Variants in SORCS2 observed in about 807,000 individuals in gnomAD.
SORCS2 encodes the protein VPS10 domain-containing receptor SorCS2.
SORCS2 carries 100 observed loss-of-function variants against 141.6 expected under a neutral mutation model. The ratio of observed to expected loss-of-function variants is 0.71; its 90% CI spans 0.60 to 0.83. SORCS2 has a LOEUF of 0.83. Ranked by LOEUF, SORCS2 falls within the 40% of genes least tolerant of loss-of-function variation. The pLI is 0.00. For missense variants in SORCS2, 1,646 were observed against 1,560.2 expected (o/e 1.05, Z -0.93); for synonymous variants, 789 against 676.9 (o/e 1.17, Z -2.57).
intron 23 of SORCS2, 134 bp downstream of exon 23, chr4:7,729,846 G>C: frequency 1.5e-6 from 2 of 1,334,048 alleles, no homozygotes; most frequent in Non-Finnish European, 2.0e-6. Flanking sequence ...GTCTGACTCA[G>C]GGTGGCTTGA....
intron 2 of SORCS2, among the ~76,000 whole-genome samples, chr4:7,490,337 C>A (rs1043780628): frequency 6.6e-5 from 10 of 152,108 alleles, no homozygotes; most frequent in Non-Finnish European, 4.4e-5. Flanking sequence ...CTCTGCCAGG[C>A]CTGGTCCAGT....
intron 2 of SORCS2, among the ~76,000 whole-genome samples, chr4:7,422,346 C>T (rs974909610): frequency 2.0e-5 from 3 of 152,212 alleles, no homozygotes; most frequent in African/African-American, 4.8e-5. Flanking sequence ...CCTGCAGCCT[C>T]CTCTAGGTCC....
At chr4:7,433,494 C>T (rs766198360) in intron 2 of SORCS2, 4 of 1,595,050 alleles carry the variant, frequency 2.5e-6, no homozygotes, top group Non-Finnish European at 3.4e-6. Flanking sequence ...CCTTCTTGCA[C>T]ACAGCCACGG....
intron 1 of SORCS2, among the ~76,000 whole-genome samples, chr4:7,284,738 A>T (rs189484747): frequency 2.8e-3 from 429 of 152,322 alleles, no homozygotes; most frequent in Non-Finnish European, 5.2e-3. Context: ...ACCATAACAA[A>T]TTGCTACAAC....
At chr4:7,334,633 G>A (rs1719875290) in intron 1 of SORCS2, among the ~76,000 whole-genome samples, 1 of 152,190 alleles carries the variant, frequency 6.6e-6, no homozygotes, top group Admixed American at 6.5e-5. Flanking sequence ...GGATTCAGAG[G>A]CGGGGAGTGT....
Position 7,589,711 on chromosome 4 carries a change from C to T in SORCS2, c.649-48617C>T, listed in dbSNP as rs551660249. Reference sequence around the variant, plus strand: ...CCACCGCACTTGGCCAGCTGAGTCCCGTTCTAAGTGCCCTGTGTGTAGTAA... The same window carrying T: ...CCACCGCACTTGGCCAGCTGAGTCCTGTTCTAAGTGCCCTGTGTGTAGTAA... On this transcript the variant is annotated intron_variant, in intron 3 of 26. Transcript: ENST00000507866. Among the ~76,000 whole-genome samples the T allele has an allele frequency of 3.9e-5, 6 of 152,318 alleles. No individual in the cohort carries two copies. The South Asian group carries it at 1.0e-3, about 26-fold the overall frequency.
At chr4:7,329,281 A>T (rs1299640586) in intron 1 of SORCS2, among the ~76,000 whole-genome samples, 1 of 152,204 alleles carries the variant, frequency 6.6e-6, no homozygotes, top group Non-Finnish European at 1.5e-5. Flanking sequence ...ACCCAGCAGC[A>T]TTCACACTTG....
chr4:7,372,302 CT>C (rs887039530), intron 1 of SORCS2, among the ~76,000 whole-genome samples: 1 of 151,594 alleles, frequency 6.6e-6, no homozygotes, highest in Non-Finnish European at 1.5e-5. Flanking sequence ...GTAAAATTCA[CT>C]TTTTTTTTGT....
intron 3 of SORCS2, among the ~76,000 whole-genome samples, chr4:7,634,381 A>G (rs1720100576): frequency 6.6e-6 from 1 of 152,086 alleles, no homozygotes; most frequent in African/African-American, 2.4e-5. Context: ...CAAAAAAAAA[A>G]AAAAGAACCT....
intron 2 of SORCS2, among the ~76,000 whole-genome samples, chr4:7,464,253 G>A (rs1007963982): frequency 6.6e-6 from 1 of 152,202 alleles, no homozygotes; most frequent in Non-Finnish European, 1.5e-5. Flanking sequence ...CCTAACTCTA[G>A]CTGGAGAAGC....
chr4:7,628,948 C>A (rs115799588), intron 3 of SORCS2, among the ~76,000 whole-genome samples: 57 of 152,176 alleles, frequency 3.7e-4, no homozygotes, highest in African/African-American at 1.3e-3. Context: ...CTTTTTAAGA[C>A]AAAGGATAAT....
rs751777021 is a variant in SORCS2 at position 7,676,094 on chromosome 4, G to A, written c.1206G>A (p.Ala402=). The change falls in exon 9 of 27, where the codon GCG becomes GCA. Residue 402 remains alanine, a synonymous_variant. Transcript: ENST00000507866. ...ISTDESQVFV[A]VQEWYQMDTY... The stretch of plus-strand genomic sequence containing the variant: ...CGGACGAGAGTCAGGTGTTCGTGGC[G>A]GTGCAGGAGTGGTACCAGATGGACA... 5.2e-5 allele frequency: 82 copies of A among 1,588,210 alleles called. 1 individual carries two copies. Among genetic ancestry groups the A allele is most frequent in the Middle Eastern group, 3.3e-4 (2 of 6,054 alleles).
chr4:7,468,221 T>C (rs577201773), intron 2 of SORCS2, among the ~76,000 whole-genome samples: 33 of 152,358 alleles, frequency 2.2e-4, no homozygotes, highest in African/African-American at 7.2e-4. Context: ...GCCCCAGGTC[T>C]AAGTGGGACT....
At chr4:7,639,573 ATGTG>A (rs1292665333) in intron 4 of SORCS2, among the ~76,000 whole-genome samples, 2 of 147,862 alleles carry the variant, frequency 1.4e-5, no homozygotes, top group Non-Finnish European at 3.0e-5. Flanking sequence ...GTGCATGTGA[ATGTG>A]TGTGGGAATG....
intron 1 of SORCS2, among the ~76,000 whole-genome samples, chr4:7,359,584 G>A (rs1431141130): frequency 3.9e-5 from 6 of 152,226 alleles, no homozygotes; most frequent in East Asian, 1.9e-4. Context: ...CAGAGGCCCC[G>A]TGGAGGTTCC....
intron 1 of SORCS2, among the ~76,000 whole-genome samples, chr4:7,298,516 G>C (rs1055178340): frequency 6.6e-6 from 1 of 152,170 alleles, no homozygotes; most frequent in African/African-American, 2.4e-5. Context: ...TACTGACCAG[G>C]GTGCCCCAGC....
intron 3 of SORCS2, among the ~76,000 whole-genome samples, chr4:7,534,047 G>A (rs942193384): frequency 1.3e-5 from 2 of 152,208 alleles, no homozygotes; most frequent in South Asian, 2.1e-4. Context: ...GGCACAGGCT[G>A]GATTTCAGAG....
chr4:7,522,572 G>A (rs1039964586), intron 2 of SORCS2, among the ~76,000 whole-genome samples: 20 of 152,084 alleles, frequency 1.3e-4, no homozygotes, highest in African/African-American at 4.3e-4. Flanking sequence ...GAGAGGAGGC[G>A]CTCAGTAAGC....
chr4:7,439,735 T>C (rs1267254874), intron 2 of SORCS2, among the ~76,000 whole-genome samples: 1 of 152,234 alleles, frequency 6.6e-6, no homozygotes, highest in Non-Finnish European at 1.5e-5. Flanking sequence ...AGGCTGTTTC[T>C]TCACCTTGCT....
Sources: gnomAD v4.1 joint callset for allele counts (sites outside exome capture counted in the v4.1 genomes callset) on GRCh38, gnomAD v4.1.1 for gene constraint, MANE v1.5 for transcripts, NCBI Gene and HGNC (gene_info 2026-07-23, HGNC 2026-07-21) for gene names.